Variants in SIL1 observed in about 807,000 individuals in gnomAD.
SIL1 encodes the protein nucleotide exchange factor SIL1.
A neutral mutation model predicts 49.1 loss-of-function variants in SIL1; 40 were observed. The ratio of observed to expected loss-of-function variants is 0.81; its 90% CI spans 0.63 to 1.06. The LOEUF (loss-of-function observed/expected upper bound fraction) is 1.06, where lower values mean the gene tolerates loss of function less well. Among genes scored for constraint, SIL1 ranks in the 50% least tolerant of loss-of-function variants. The pLI, the probability that SIL1 is intolerant of heterozygous loss-of-function variation, is 0.00. For synonymous variants in SIL1, 253 were observed against 250.8 expected, an observed-to-expected ratio of 1.01 and a Z score of -0.08; for missense variants, 500 against 572.6, an observed-to-expected ratio of 0.87 and a Z score of 1.29.
At chr5:139,085,246 A>C in intron 3 of SIL1, among the ~76,000 whole-genome samples, 1 of 152,194 alleles carries the variant, frequency 6.6e-6, no homozygotes. Flanking sequence ...ATGGCTAGAA[A>C]ATGAAGTGAG....
At chr5:138,979,585 C>G (rs1767471967) in intron 7 of SIL1, among the ~76,000 whole-genome samples, 5 of 152,194 alleles carry the variant, frequency 3.3e-5, no homozygotes, top group Admixed American at 3.3e-4. Context: ...CTTACTGCAG[C>G]CTCTGCCTCC....
intron 3 of SIL1, among the ~76,000 whole-genome samples, chr5:139,084,239 A>G (rs1425641309): frequency 6.6e-6 from 1 of 150,580 alleles, no homozygotes; most frequent in Non-Finnish European, 1.5e-5. Flanking sequence ...TTCCTCAGGG[A>G]TCTAGAACTA....
intron 5 of SIL1, among the ~76,000 whole-genome samples, chr5:139,041,822 A>AC (rs1035791394): frequency 5.1e-4 from 78 of 151,592 alleles, no homozygotes; most frequent in African/African-American, 1.5e-3. Context: ...CAAAAACAAA[A>AC]AAAAAAAAAA....
At chr5:139,116,630 T>A (rs1392848919) in intron 3 of SIL1, among the ~76,000 whole-genome samples, 4 of 152,230 alleles carry the variant, frequency 2.6e-5, no homozygotes, top group African/African-American at 9.6e-5. Context: ...TATATATTTT[T>A]AAAAAGACTA....
intron 7 of SIL1, among the ~76,000 whole-genome samples, chr5:139,004,995 T>C (rs931535563): frequency 4.6e-5 from 7 of 151,996 alleles, no homozygotes; most frequent in Non-Finnish European, 7.4e-5. Flanking sequence ...CAGGGGAGTA[T>C]TGAGATGTTG....
chr5:139,114,973 G>A (rs901579274), intron 3 of SIL1, among the ~76,000 whole-genome samples: 1 of 152,166 alleles, frequency 6.6e-6, no homozygotes, highest in African/African-American at 2.4e-5. Context: ...GAGCCGCAGG[G>A]GCTTAGGCAT....
chr5:138,995,483 C>T (rs781719761), intron 7 of SIL1, among the ~76,000 whole-genome samples: 20 of 152,114 alleles, frequency 1.3e-4, no homozygotes, highest in African/African-American at 1.9e-4. Context: ...TCAGGTGATC[C>T]GCCCACCTTG....
intron 7 of SIL1, among the ~76,000 whole-genome samples, chr5:139,019,062 A>G (rs941487395): frequency 6.6e-6 from 1 of 152,202 alleles, no homozygotes; most frequent in Non-Finnish European, 1.5e-5. Context: ...ACTAGAAAGA[A>G]TATCTTCTAG....
intron 3 of SIL1, among the ~76,000 whole-genome samples, chr5:139,052,621 T>A (rs1581061095): frequency 6.6e-6 from 1 of 151,824 alleles, no homozygotes; most frequent in Non-Finnish European, 1.5e-5. Flanking sequence ...ATGGTGGAGG[T>A]TGCAGTAAGC....
chr5:139,172,290 T>C (rs1216089675), intron 1 of SIL1, among the ~76,000 whole-genome samples: 8 of 152,058 alleles, frequency 5.3e-5, no homozygotes, highest in African/African-American at 1.9e-4. Context: ...ACAAAGAGAC[T>C]CACACCAAGA....
chr5:138,991,907 A>C (rs1182604837), intron 7 of SIL1, among the ~76,000 whole-genome samples: 2 of 152,244 alleles, frequency 1.3e-5, no homozygotes, highest in Admixed American at 6.5e-5. Context: ...AGAGTTTAGA[A>C]GCATGCTTAC....
intron 3 of SIL1, among the ~76,000 whole-genome samples, chr5:139,108,997 A>G (rs1770787150): frequency 6.6e-6 from 1 of 152,204 alleles, no homozygotes; most frequent in African/African-American, 2.4e-5. Flanking sequence ...AAGCCAGCAA[A>G]TAGGTGAAAA....
chr5:139,089,969 T>A (rs1181594504), intron 3 of SIL1, among the ~76,000 whole-genome samples: 3 of 152,188 alleles, frequency 2.0e-5, no homozygotes, highest in Non-Finnish European at 4.4e-5. Context: ...AAATTTAACC[T>A]CAATGTAAGA....
At chr5:138,949,263 T>G (rs1033009081) in intron 9 of SIL1, among the ~76,000 whole-genome samples, 2 of 152,148 alleles carry the variant, frequency 1.3e-5, no homozygotes, top group African/African-American at 4.8e-5. Context: ...AGCCCAGATG[T>G]CAGGGCATGG....
chr5:138,949,799 A>G lies in SIL1; in HGVS notation c.1029+1372T>C, dbSNP rs1226361335. Among the ~76,000 whole-genome samples, 4 of 55,278 alleles carry G rather than the reference A, an allele frequency of 7.2e-5. No individual in the cohort carries two copies. The East Asian group carries it at 1.3e-3, about 18-fold the overall frequency. The allele number at this position is 55,278 out of a possible 152,430, so 36.3% of individuals were successfully genotyped here. A position where few individuals can be genotyped will look rare whatever the true frequency, so the allele number is the denominator to read the frequency against. The stretch of plus-strand genomic sequence containing the variant: ...GGGTGACAGAGAGAGACCCTGTCTC[A>G]AAAAAAAAAAAAAAAAAGAAAAAAG... On this transcript the variant is annotated intron_variant, in intron 9 of 9. Coordinates refer to ENST00000394817, the MANE Select transcript of SIL1 (RefSeq NM_022464.5).
intron 1 of SIL1, among the ~76,000 whole-genome samples, chr5:139,184,453 G>T (rs1359933574): frequency 6.6e-6 from 1 of 152,004 alleles, no homozygotes; most frequent in Admixed American, 6.6e-5. Context: ...TGGAAGGATC[G>T]CTTGAGGCCA....
At chr5:139,136,296 T>A (rs185315034) in intron 1 of SIL1, among the ~76,000 whole-genome samples, 3 of 152,330 alleles carry the variant, frequency 2.0e-5, no homozygotes, top group African/African-American at 7.2e-5. Context: ...GGCGTGGAAC[T>A]TATCAATGGA....
intron 7 of SIL1, among the ~76,000 whole-genome samples, chr5:138,993,684 G>A (rs1767803896): frequency 6.6e-6 from 1 of 152,196 alleles, no homozygotes; most frequent in Non-Finnish European, 1.5e-5. Flanking sequence ...ATGTGGCAAG[G>A]AACTGAGGGC....
chr5:139,160,582 T>C (rs553580314), intron 1 of SIL1, among the ~76,000 whole-genome samples: 3 of 152,342 alleles, frequency 2.0e-5, no homozygotes, highest in Admixed American at 2.0e-4. Context: ...CTCATGCCTA[T>C]AATCCCAGCA....
Sources: gnomAD v4.1 joint callset for allele counts (sites outside exome capture counted in the v4.1 genomes callset) on GRCh38, gnomAD v4.1.1 for gene constraint, MANE v1.5 for transcripts, NCBI Gene and HGNC (gene_info 2026-07-23, HGNC 2026-07-21) for gene names.